Variants in BLTP3B observed in about 807,000 individuals in gnomAD.
BLTP3B encodes the protein bridge-like lipid transfer protein family member 3B.
At chr12:100,127,204 T>C in the BLTP3B span, among the ~76,000 whole-genome samples, 1 of 152,222 alleles carries the variant, frequency 6.6e-6, no homozygotes, top group Admixed American at 6.5e-5. Context: ...TTGAAAGCCA[T>C]TTTAAACAAT....
chr12:100,125,991 T>C, the BLTP3B span, among the ~76,000 whole-genome samples: 1 of 152,134 alleles, frequency 6.6e-6, no homozygotes, highest in Non-Finnish European at 1.5e-5. Flanking sequence ...GATATCCAGG[T>C]GCAGTGGCTC....
the BLTP3B span, among the ~76,000 whole-genome samples, chr12:100,108,128 TTTA>T: frequency 6.6e-6 from 1 of 152,178 alleles, no homozygotes; most frequent in Admixed American, 6.5e-5. Context: ...ATGCAATTAT[TTTA>T]TTAACAAATT....
At chr12:100,120,868 T>C in the BLTP3B span, among the ~76,000 whole-genome samples, 1 of 152,150 alleles carries the variant, frequency 6.6e-6, no homozygotes, top group Non-Finnish European at 1.5e-5. Flanking sequence ...TAGCTTTATT[T>C]CTAATAGCTG....
the BLTP3B span, among the ~76,000 whole-genome samples, chr12:100,095,244 A>T: frequency 1.3e-5 from 2 of 152,200 alleles, no homozygotes; most frequent in Non-Finnish European, 2.9e-5. Flanking sequence ...CAGCCATCAG[A>T]CAACTCCAAC....
chr12:100,126,293 T>C, the BLTP3B span, among the ~76,000 whole-genome samples: 6 of 152,102 alleles, frequency 3.9e-5, no homozygotes, highest in African/African-American at 1.4e-4. Context: ...AGGCCTCAGG[T>C]AGTTTGGAAA....
At chr12:100,039,855 T>A in the BLTP3B span, 25 of 1,415,612 alleles carry the variant, frequency 1.8e-5, no homozygotes, top group Non-Finnish European at 2.4e-5. Flanking sequence ...AAAAGTTCCA[T>A]TGTGAAAATC....
the BLTP3B span, chr12:100,057,475 G>T: frequency 2.3e-6 from 2 of 888,516 alleles, no homozygotes; most frequent in Admixed American, 3.4e-5. Flanking sequence ...AAAAGCATGG[G>T]TACAGTTAAC....
At chr12:100,135,878 C>T in the BLTP3B span, among the ~76,000 whole-genome samples, 12 of 152,246 alleles carry the variant, frequency 7.9e-5, no homozygotes, top group East Asian at 1.9e-4. Context: ...GCAACTAGTA[C>T]ATACAGTGTC....
the BLTP3B span, among the ~76,000 whole-genome samples, chr12:100,080,363 T>G: frequency 3.3e-5 from 5 of 151,966 alleles, no homozygotes; most frequent in Admixed American, 2.6e-4. Context: ...TTTTTTTTTT[T>G]TTGTTTTGAG....
chr12:100,098,621 G>C, the BLTP3B span: 4 of 1,423,602 alleles, frequency 2.8e-6, no homozygotes, highest in Admixed American at 2.3e-5. Context: ...CACATTTCTG[G>C]TTGGGGATGG....
the BLTP3B span, chr12:100,082,939 T>C: frequency 3.0e-5 from 30 of 994,526 alleles, 1 homozygote; most frequent in Admixed American, 2.5e-4. Flanking sequence ...AATAAAATGG[T>C]AGCATTTGTT....
the BLTP3B span, among the ~76,000 whole-genome samples, chr12:100,142,224 A>G: frequency 3.3e-5 from 5 of 152,188 alleles, no homozygotes; most frequent in African/African-American, 9.6e-5. Flanking sequence ...AGAGCCCAGC[A>G]CATTAACCAG....
chr12:100,111,277 A>ATTTTTT, the BLTP3B span, among the ~76,000 whole-genome samples: 2 of 94,748 alleles, frequency 2.1e-5, no homozygotes, highest in Non-Finnish European at 4.1e-5. Context: ...GGGGTTTTAG[A>ATTTTTT]TTTTTTTTTT....
chr12:100,075,385 C>A, the BLTP3B span, among the ~76,000 whole-genome samples: 1 of 152,002 alleles, frequency 6.6e-6, no homozygotes, highest in African/African-American at 2.4e-5. Flanking sequence ...CTATAAAAGT[C>A]CTAGAAGAAA....
the BLTP3B span, chr12:100,086,418 A>C: frequency 2.5e-6 from 3 of 1,202,408 alleles, no homozygotes; most frequent in Non-Finnish European, 3.5e-6. Flanking sequence ...GATTTAATTT[A>C]CCACAGAAAA....
the BLTP3B span, among the ~76,000 whole-genome samples, chr12:100,053,706 T>C: frequency 6.6e-6 from 1 of 152,060 alleles, no homozygotes; most frequent in Non-Finnish European, 1.5e-5. Flanking sequence ...ACTTCTGCAG[T>C]GGGGAATGAT....
At chr12:100,066,750 G>A in the BLTP3B span, among the ~76,000 whole-genome samples, 1 of 150,128 alleles carries the variant, frequency 6.7e-6, no homozygotes, top group Admixed American at 6.7e-5. Flanking sequence ...CTTGCAGTGA[G>A]CCGAGATCAC....
the BLTP3B span, among the ~76,000 whole-genome samples, chr12:100,124,344 T>C: frequency 2.0e-5 from 3 of 152,144 alleles, no homozygotes; most frequent in African/African-American, 4.8e-5. Context: ...GGCTCACGCC[T>C]GTAATCCCAG....
chr12:100,087,158 C>CAGAAAAAAAAAAAAAAAAAAAAAAAAAA, the BLTP3B span, among the ~76,000 whole-genome samples: 3 of 59,856 alleles, frequency 5.0e-5, 1 homozygote, highest in South Asian at 1.4e-3. Flanking sequence ...GACTCCATCT[C>CAGAAAAAAAAAAAAAAAAAAAAAAAAAA]AAAAAAAAAA....
Sources: gnomAD v4.1 joint callset for allele counts (sites outside exome capture counted in the v4.1 genomes callset) on GRCh38, gnomAD v4.1.1 for gene constraint, MANE v1.5 for transcripts, NCBI Gene and HGNC (gene_info 2026-07-23, HGNC 2026-07-21) for gene names.